The following BNC2 variants were observed in gnomAD, a reference collection of about 807,000 sequenced individuals.
BNC2 encodes the protein basonuclin zinc finger protein 2.
Under a neutral mutation model 76.3 loss-of-function variants are expected in BNC2, and 20 were observed. That is an observed-to-expected ratio of 0.26 (90% CI 0.18 to 0.38). The LOEUF is 0.38. Ranked by LOEUF, BNC2 falls within the 10% of genes least tolerant of loss-of-function variation. The probability of loss-of-function intolerance (pLI) is 1.00; values close to 1 mark genes in which losing one functional copy is unlikely to be tolerated. For missense variants in BNC2, 1,382 were observed against 1,399.8 expected, an observed-to-expected ratio of 0.99 and a Z score of 0.20; for synonymous variants, 582 against 514.8, an observed-to-expected ratio of 1.13 and a Z score of -1.77.
chr9:16,529,651 G>C lies in BNC2; in HGVS notation c.669+22879C>G, dbSNP rs1587136750. 2.0e-5 allele frequency among the ~76,000 whole-genome samples: 3 copies of C among 152,106 alleles called. No individual in the cohort carries two copies. The South Asian group carries it at 6.2e-4, about 32-fold the overall frequency. On this transcript the variant is annotated intron_variant, in intron 5 of 6. Transcript: ENST00000380672. ...ATGATGATTACTAGTTGTTCTAGTG[G>C]AATAAAATTTTATAAATAATAAAAA...
intron 3 of BNC2, among the ~76,000 whole-genome samples, chr9:16,723,524 T>C (rs1824228432): frequency 6.6e-6 from 1 of 151,940 alleles, no homozygotes; most frequent in East Asian, 1.9e-4. Flanking sequence ...AAAAACATTT[T>C]CATTTAAAAA....
intron 2 of BNC2, among the ~76,000 whole-genome samples, chr9:16,737,312 G>A (rs1246532386): frequency 3.2e-5 from 4 of 126,308 alleles, no homozygotes; most frequent in African/African-American, 6.1e-5. Flanking sequence ...GTGCAGTGGC[G>A]CAATCTTGGC....
chr9:16,522,155 A>C (rs1476095754), intron 5 of BNC2, among the ~76,000 whole-genome samples: 3 of 152,168 alleles, frequency 2.0e-5, no homozygotes, highest in African/African-American at 7.2e-5. Context: ...CACTCCCTGA[A>C]AAGGGGGGCA....
chr9:16,425,802 T>A (rs1820793803), intron 6 of BNC2, among the ~76,000 whole-genome samples: 1 of 152,220 alleles, frequency 6.6e-6, no homozygotes, highest in African/African-American at 2.4e-5. Flanking sequence ...AATTTGTCAT[T>A]GCTGTGGAAT....
intron 5 of BNC2, among the ~76,000 whole-genome samples, chr9:16,495,869 C>G (rs1435754927): frequency 2.0e-5 from 3 of 151,882 alleles, no homozygotes; most frequent in Admixed American, 6.6e-5. Flanking sequence ...TAGGCAGGCT[C>G]CTACTACAAA....
In BNC2 at chr9:16,754,406, G is replaced by A. The variant is rs1825315124; in HGVS notation, c.4-15921C>T. ...AAAGTTGCCCCAACCCAACAAACTT[G>A]CAAACTGACCTGTCCGATATAATAA... On this transcript the variant is annotated intron_variant, in intron 1 of 6. Coordinates refer to ENST00000380672, the MANE Select transcript of BNC2 (RefSeq NM_017637.6). Among the ~76,000 whole-genome samples the A allele has an allele frequency of 1.3e-5, 2 of 152,106 alleles. 1 individual carries two copies. Among genetic ancestry groups the A allele is most frequent in the South Asian group, 4.1e-4 (2 of 4,820 alleles).
At chr9:16,801,661 C>T (rs1481896209) in intron 1 of BNC2, among the ~76,000 whole-genome samples, 1 of 151,632 alleles carries the variant, frequency 6.6e-6, no homozygotes, top group East Asian at 1.9e-4. Flanking sequence ...ACTGACCATA[C>T]TTTACAAAGG....
chr9:16,506,801 G>C (rs1372362203), intron 5 of BNC2, among the ~76,000 whole-genome samples: 2 of 151,662 alleles, frequency 1.3e-5, no homozygotes, highest in Non-Finnish European at 2.9e-5. Context: ...ACCCAGGCTG[G>C]AGTGCAGTGG....
intron 2 of BNC2, among the ~76,000 whole-genome samples, chr9:16,732,162 A>AAAAAAAAAAGAAAAG (rs59888253): frequency 5.7e-5 from 7 of 123,592 alleles, no homozygotes; most frequent in Admixed American, 1.7e-4. Flanking sequence ...TCCTGCAAAA[A>AAAAAAAAAAGAAAAG]AAAAAGAAAA....
intron 5 of BNC2, among the ~76,000 whole-genome samples, chr9:16,544,592 T>C (rs1283403116): frequency 1.3e-5 from 2 of 151,452 alleles, no homozygotes; most frequent in East Asian, 3.9e-4. Context: ...CCGAGGTGAG[T>C]GGTTCACTTG....
intron 5 of BNC2, among the ~76,000 whole-genome samples, chr9:16,440,965 C>T (rs73415426): frequency 0.024 from 3,698 of 152,238 alleles, 146 homozygotes; most frequent in African/African-American, 0.084. Context: ...GACTTAAGAA[C>T]GGGACACATA....
At chr9:16,864,440 A>C (rs2136223169) in intron 1 of BNC2, among the ~76,000 whole-genome samples, 1 of 152,352 alleles carries the variant, frequency 6.6e-6, no homozygotes, top group East Asian at 1.9e-4. Context: ...TGTCAAATGT[A>C]TTCAATTTTC....
At chr9:16,526,329 G>A (rs755681362) in intron 5 of BNC2, among the ~76,000 whole-genome samples, 4 of 152,024 alleles carry the variant, frequency 2.6e-5, no homozygotes, top group South Asian at 2.1e-4. Flanking sequence ...AACAAAGATC[G>A]TTTACGAGGT....
At chr9:16,709,765 T>C (rs373198780) in intron 3 of BNC2, among the ~76,000 whole-genome samples, 3 of 152,194 alleles carry the variant, frequency 2.0e-5, no homozygotes, top group African/African-American at 7.2e-5. Context: ...AATTAAAGTA[T>C]GATCAGACTT....
At chr9:16,489,339 C>G (rs1208744823) in intron 5 of BNC2, among the ~76,000 whole-genome samples, 1 of 152,066 alleles carries the variant, frequency 6.6e-6, no homozygotes, top group African/African-American at 2.4e-5. Flanking sequence ...TTTAAATAGA[C>G]ACATGTGGCT....
At chr9:16,787,980 T>G (rs77443611) in intron 1 of BNC2, among the ~76,000 whole-genome samples, 1 of 152,136 alleles carries the variant, frequency 6.6e-6, no homozygotes, top group African/African-American at 2.4e-5. Context: ...ATGGGTAATA[T>G]TGTGTCCCTT....
rs190261779 is a variant in BNC2, at chr9:16,620,428, T to C, written c.331-37343A>G. Among the ~76,000 whole-genome samples, 48 of 152,342 alleles carry C rather than the reference T, an allele frequency of 3.2e-4. No homozygotes were observed. The East Asian group carries it at 9.1e-3, about 29-fold the overall frequency. ...TGTTATTTCTTCATGGCTAAATTCC[T>C]GATCCATTAAAAATGTGCCCCTTCA... On this transcript the variant is annotated intron_variant, in intron 3 of 6. Transcript: ENST00000380672.
intron 1 of BNC2, among the ~76,000 whole-genome samples, chr9:16,786,722 G>T (rs1382104660): frequency 6.6e-6 from 1 of 152,156 alleles, no homozygotes; most frequent in Non-Finnish European, 1.5e-5. Flanking sequence ...GGGGGGCAGA[G>T]TCCTGCTGGG....
At chr9:16,540,791 T>G (rs907448465) in intron 5 of BNC2, among the ~76,000 whole-genome samples, 1 of 152,132 alleles carries the variant, frequency 6.6e-6, no homozygotes, top group Non-Finnish European at 1.5e-5. Context: ...CACTTCATGG[T>G]TTTTCCTTGT....
Sources: allele counts gnomAD v4.1 joint callset (sites outside exome capture counted in the v4.1 genomes callset), GRCh38; gene constraint gnomAD v4.1.1; transcripts MANE v1.5; gene names NCBI Gene and HGNC (gene_info 2026-07-23, HGNC 2026-07-21).